JAM3: variants seen among roughly 807,000 people sequenced by gnomAD.
The protein encoded by JAM3 is junctional adhesion molecule C.
Under a neutral mutation model 39.4 loss-of-function variants are expected in JAM3, and 31 were observed. The ratio of observed to expected loss-of-function variants is 0.79; its 90% CI spans 0.59 to 1.06. The LOEUF (loss-of-function observed/expected upper bound fraction) is 1.06, where lower values mean the gene tolerates loss of function less well. Ranked by LOEUF, JAM3 falls within the 50% of genes least tolerant of loss-of-function variation. JAM3 has a pLI of 0.00. For missense variants in JAM3, 455 were observed against 391.4 expected (o/e 1.16, Z -1.37); for synonymous variants, 182 against 148.7 (o/e 1.22, Z -1.63).
Position 134,149,862 on chromosome 11 carries a change from G to A in JAM3, c.*681G>A. Reference sequence around the variant, plus strand: ...GATTTAAGGAAAACCTTCGTCTTAGGCTAAGTCTGAAATGGTACTGAAATA... The same window carrying A: ...GATTTAAGGAAAACCTTCGTCTTAGACTAAGTCTGAAATGGTACTGAAATA... On this transcript the variant is annotated 3_prime_UTR_variant, in exon 9 of 9. Transcript: ENST00000299106. The A allele has an allele frequency of 3.2e-6, 1 of 314,244 alleles. No individual in the cohort carries two copies. Among genetic ancestry groups the A allele is most frequent in the Non-Finnish European group, 6.3e-6 (1 of 159,188 alleles). 19.5% of individuals were successfully genotyped at this position (314,244 alleles called of 1,614,324 possible).
chr11:134,104,542 C>T (rs186421213), intron 1 of JAM3, among the ~76,000 whole-genome samples: 15 of 151,954 alleles, frequency 9.9e-5, no homozygotes, highest in Non-Finnish European at 2.1e-4. Context: ...ATACAAAAAA[C>T]CCTTCAAAAA....
intron 1 of JAM3, among the ~76,000 whole-genome samples, chr11:134,126,767 A>C (rs1242506410): frequency 1.3e-5 from 2 of 152,228 alleles, no homozygotes; most frequent in Admixed American, 1.3e-4. Flanking sequence ...AGGGGCATGA[A>C]TCTGGAAGTA....
At chr11:134,074,621 G>A (rs985428958) in intron 1 of JAM3, among the ~76,000 whole-genome samples, 4 of 152,126 alleles carry the variant, frequency 2.6e-5, no homozygotes, top group African/African-American at 4.8e-5. Flanking sequence ...GAGAGCTGCC[G>A]AGATTACCGG....
rs1943126971 is a variant in JAM3 at position 134,148,746 on chromosome 11, GCT to G, written c.843-13_843-12del. 1 of 1,613,986 alleles carries G rather than the reference GCT, an allele frequency of 6.2e-7. No homozygotes were observed. The highest frequency in any genetic ancestry group is 1.3e-5 in the African/African-American group (1 of 74,932). On this transcript the variant is annotated splice_polypyrimidine_tract_variant and intron_variant, in intron 7 of 8. Transcript: ENST00000299106. ...AATATAACAACCCTGTTGCTAAACTGCTCTCTTCTCCTCATAGTTACAAGAAC... is the reference window on the plus strand; with the variant it reads ...AATATAACAACCCTGTTGCTAAACTGCTCTTCTCCTCATAGTTACAAGAAC...
chr11:134,080,435 T>A (rs1051378823), intron 1 of JAM3, among the ~76,000 whole-genome samples: 5 of 152,320 alleles, frequency 3.3e-5, no homozygotes, highest in African/African-American at 1.2e-4. Context: ...AATTTCCTCA[T>A]GTTGTGGGAG....
chr11:134,124,388 A>G (rs1942601436), intron 1 of JAM3: 8 of 628,540 alleles, frequency 1.3e-5, no homozygotes, highest in South Asian at 7.6e-5. Context: ...AAAGAAATCA[A>G]TAAATCAAAA....
intron 5 of JAM3, 136 bp downstream of exon 5, chr11:134,145,130 C>G (rs1943048195): frequency 1.3e-6 from 1 of 768,936 alleles, no homozygotes; most frequent in Admixed American, 2.1e-5. Flanking sequence ...GTTAGGGATT[C>G]TACAGGAAAA....
At chr11:134,073,159 C>T (rs1339449327) in intron 1 of JAM3, among the ~76,000 whole-genome samples, 1 of 152,180 alleles carries the variant, frequency 6.6e-6, no homozygotes, top group African/African-American at 2.4e-5. Flanking sequence ...TGTCTCTCTG[C>T]TTCTTGGCAT....
chr11:134,111,133 C>CTTTTTTTTTTTTTTTTTTTTTTTT (rs71038561), intron 1 of JAM3, among the ~76,000 whole-genome samples: 1 of 86,746 alleles, frequency 1.2e-5, no homozygotes, highest in African/African-American at 5.5e-5. Context: ...ACACATCCAT[C>CTTTTTTTTTTTTTTTTTTTTTTTT]TTTTTTTTTT....
intron 1 of JAM3, among the ~76,000 whole-genome samples, chr11:134,071,061 A>G (rs947238506): frequency 6.6e-6 from 1 of 152,176 alleles, no homozygotes; most frequent in Non-Finnish European, 1.5e-5. Context: ...TCCAGAAGTC[A>G]TGACTACTGT....
chr11:134,145,351 G>A (rs769490469), intron 5 of JAM3: 2 of 393,994 alleles, frequency 5.1e-6, no homozygotes, highest in South Asian at 2.2e-5. Flanking sequence ...CATTGCTTTA[G>A]GCATGATGAA....
At chr11:134,145,818 A>G (rs1018939890) in intron 5 of JAM3, 128 bp from the exon 6 acceptor site, 1 of 745,382 alleles carries the variant, frequency 1.3e-6, no homozygotes, top group Non-Finnish European at 2.5e-6. Context: ...AGGGAGGAAC[A>G]TGCACAGTGC....
At chr11:134,097,880 A>G (rs569299437) in intron 1 of JAM3, among the ~76,000 whole-genome samples, 53 of 151,718 alleles carry the variant, frequency 3.5e-4, no homozygotes, top group African/African-American at 1.3e-3. Context: ...ATATTTATAT[A>G]CACACACTTT....
At chr11:134,105,784 C>A (rs1484871376) in intron 1 of JAM3, among the ~76,000 whole-genome samples, 1 of 152,138 alleles carries the variant, frequency 6.6e-6, no homozygotes, top group African/African-American at 2.4e-5. Flanking sequence ...AGGAATCCAA[C>A]TTACAAGGGA....
intron 1 of JAM3, among the ~76,000 whole-genome samples, chr11:134,074,108 C>T (rs1359122484): frequency 6.6e-6 from 1 of 152,154 alleles, no homozygotes; most frequent in Non-Finnish European, 1.5e-5. Context: ...TGCAGGTATA[C>T]TAGTATATAC....
chr11:134,105,536 C>G (rs539276246), intron 1 of JAM3, among the ~76,000 whole-genome samples: 1 of 152,012 alleles, frequency 6.6e-6, no homozygotes, highest in East Asian at 1.9e-4. Context: ...AAAGGGTATT[C>G]AATTAGGAAA....
intron 1 of JAM3, among the ~76,000 whole-genome samples, chr11:134,105,506 A>G (rs1047419739): frequency 1.2e-4 from 18 of 152,174 alleles, no homozygotes; most frequent in Admixed American, 2.0e-4. Flanking sequence ...GGCCAGGGCA[A>G]TCAGGCAGGA....
At position 134,136,405 on chromosome 11, in the gene JAM3, G is replaced by A. The variant is rs1341690629; in HGVS notation, c.77-3446G>A. ...GATGAGTTACTTACGATGTCTTCAC[G>A]TGTTAGATTTGTGCCTTCCAATCCT... On this transcript the variant is annotated intron_variant, in intron 1 of 8. Coordinates refer to ENST00000299106, the MANE Select transcript of JAM3 (RefSeq NM_032801.5). Among the ~76,000 whole-genome samples, 6 of 152,152 alleles carry A rather than the reference G, an allele frequency of 3.9e-5. No individual in the cohort carries two copies. In the East Asian group the frequency reaches 9.6e-4, roughly 24 times the overall value.
chr11:134,125,461 G>A (rs954367128), intron 1 of JAM3, among the ~76,000 whole-genome samples: 2 of 152,102 alleles, frequency 1.3e-5, no homozygotes, highest in Admixed American at 6.5e-5. Flanking sequence ...TTCTTTTTTA[G>A]TTCTGGATAG....
Sources: allele counts gnomAD v4.1 joint callset (sites outside exome capture counted in the v4.1 genomes callset), GRCh38; gene constraint gnomAD v4.1.1; transcripts MANE v1.5; gene names NCBI Gene and HGNC (gene_info 2026-07-23, HGNC 2026-07-21).